SLC9A9: variants seen among roughly 807,000 people sequenced by gnomAD.
The protein encoded by SLC9A9 is solute carrier family 9 member A9.
In SLC9A9, 62 loss-of-function variants were observed where a neutral mutation model predicts 77.8. The ratio of observed to expected loss-of-function variants is 0.80; its 90% CI spans 0.65 to 0.98. The LOEUF is 0.98. Ranked by LOEUF, SLC9A9 falls within the 50% of genes least tolerant of loss-of-function variation. The pLI, the probability that SLC9A9 is intolerant of heterozygous loss-of-function variation, is 0.00. For synonymous variants in SLC9A9, 320 were observed against 283.5 expected (o/e 1.13, Z -1.29); for missense variants, 775 against 774.9 (o/e 1.00, Z 0.00).
intron 12 of SLC9A9, among the ~76,000 whole-genome samples, chr3:143,431,783 C>T (rs1340854859): frequency 6.6e-6 from 1 of 151,982 alleles, no homozygotes; most frequent in African/African-American, 2.4e-5. Context: ...TATGATCTTC[C>T]CACCCCTCTT....
Position 143,759,009 on chromosome 3 carries a change from A to G in SLC9A9, c.533+35992T>C, listed in dbSNP as rs369880169. Among the ~76,000 whole-genome samples, 19 of 152,234 alleles carry G rather than the reference A, an allele frequency of 1.2e-4. 1 individual carries two copies. In the East Asian group the frequency reaches 2.7e-3, roughly 22 times the overall value. On this transcript the variant is annotated intron_variant, in intron 4 of 15. Transcript: ENST00000316549. ...CTTGGCACTGTGCTGTCAACTTTACATGGATTTGTTGTTTTCATCTTCTCA... is the reference window on the plus strand; with the variant it reads ...CTTGGCACTGTGCTGTCAACTTTACGTGGATTTGTTGTTTTCATCTTCTCA...
At chr3:143,832,646 C>T (rs183555783) in intron 1 of SLC9A9, among the ~76,000 whole-genome samples, 87 of 152,094 alleles carry the variant, frequency 5.7e-4, no homozygotes, top group Non-Finnish European at 1.0e-3. Context: ...TATTATGTCA[C>T]ACCCCATGGT....
intron 12 of SLC9A9, among the ~76,000 whole-genome samples, chr3:143,435,624 T>C (rs1658602698): frequency 6.6e-6 from 1 of 152,210 alleles, no homozygotes; most frequent in Non-Finnish European, 1.5e-5. Context: ...CGTTAGACTT[T>C]CACTATGTTA....
chr3:143,482,932 CA>C lies in SLC9A9; in HGVS notation c.1315+10720del, dbSNP rs1233807783. ...TGCTCAAGGGCAAGAGGAACAGTTT[CA>C]GGGGCGCTTAGCATTCCTCTTAAGC... is the stretch of plus-strand genomic sequence containing the variant. On this transcript the variant is annotated intron_variant, in intron 11 of 15. Coordinates refer to ENST00000316549, the MANE Select transcript of SLC9A9 (RefSeq NM_173653.4). Among the ~76,000 whole-genome samples the C allele has an allele frequency of 3.3e-5, 5 of 152,324 alleles. No homozygotes were observed. In the East Asian group the frequency reaches 7.7e-4, roughly 23 times the overall value.
chr3:143,511,928 A>G (rs1050748013), intron 9 of SLC9A9, among the ~76,000 whole-genome samples: 2 of 152,240 alleles, frequency 1.3e-5, no homozygotes, highest in Non-Finnish European at 2.9e-5. Flanking sequence ...TATACTTCAG[A>G]TGCTGAATAC....
chr3:143,495,049 A>G (rs376457633), intron 10 of SLC9A9, among the ~76,000 whole-genome samples: 3 of 152,346 alleles, frequency 2.0e-5, no homozygotes, highest in Admixed American at 1.3e-4. Flanking sequence ...ATTCATAATT[A>G]TAGTTAAACA....
chr3:143,500,496 T>TATC (rs2035906899), intron 9 of SLC9A9, among the ~76,000 whole-genome samples: 1 of 152,140 alleles, frequency 6.6e-6, no homozygotes, highest in South Asian at 2.1e-4. Flanking sequence ...CATAGCTTAG[T>TATC]TTAACCTGTT....
At chr3:143,800,361 C>T (rs1007182585) in intron 2 of SLC9A9, among the ~76,000 whole-genome samples, 5 of 152,162 alleles carry the variant, frequency 3.3e-5, no homozygotes, top group African/African-American at 1.2e-4. Flanking sequence ...TACAAATTCT[C>T]CTTACAATTC....
chr3:143,567,348 A>T (rs2037184765), intron 8 of SLC9A9, among the ~76,000 whole-genome samples: 1 of 152,142 alleles, frequency 6.6e-6, no homozygotes, highest in Admixed American at 6.6e-5. Flanking sequence ...AGTATGGCAG[A>T]CACATCCACA....
chr3:143,401,446 T>A (rs991594232), intron 12 of SLC9A9, among the ~76,000 whole-genome samples: 7 of 152,202 alleles, frequency 4.6e-5, no homozygotes, highest in African/African-American at 1.7e-4. Flanking sequence ...AATGTGCCAT[T>A]GTTTTTCCTA....
chr3:143,398,042 G>A (rs1312358835), intron 12 of SLC9A9, among the ~76,000 whole-genome samples: 1 of 152,080 alleles, frequency 6.6e-6, no homozygotes, highest in African/African-American at 2.4e-5. Context: ...TGATGGATAG[G>A]TACCTACAAC....
intron 1 of SLC9A9, among the ~76,000 whole-genome samples, chr3:143,840,896 A>C (rs1316010699): frequency 6.6e-6 from 1 of 152,228 alleles, no homozygotes; most frequent in African/African-American, 2.4e-5. Context: ...ATGCAAACTA[A>C]AGATGATCTT....
intron 14 of SLC9A9, among the ~76,000 whole-genome samples, chr3:143,293,105 C>T (rs1255361259): frequency 1.3e-5 from 2 of 152,116 alleles, no homozygotes; most frequent in Non-Finnish European, 1.5e-5. Flanking sequence ...ATATGCATTC[C>T]TCTCCCTATA....
intron 4 of SLC9A9, among the ~76,000 whole-genome samples, chr3:143,739,000 G>T (rs1456128152): frequency 6.6e-6 from 1 of 152,028 alleles, no homozygotes; most frequent in Non-Finnish European, 1.5e-5. Flanking sequence ...CAAGTCATAG[G>T]CTTGATTGGG....
chr3:143,522,161 G>A (rs1034459242), intron 9 of SLC9A9, among the ~76,000 whole-genome samples: 3 of 152,034 alleles, frequency 2.0e-5, no homozygotes, highest in African/African-American at 7.2e-5. Context: ...TCAAACTTGA[G>A]GTTTAAATTT....
chr3:143,524,383 GGCAAGA>G, intron 9 of SLC9A9, among the ~76,000 whole-genome samples: 1 of 152,090 alleles, frequency 6.6e-6, no homozygotes, highest in African/African-American at 2.4e-5. Flanking sequence ...TCAAGCTGAG[GGCAAGA>G]TGGTCAGTGA....
intron 6 of SLC9A9, among the ~76,000 whole-genome samples, chr3:143,585,663 A>T (rs1233921632): frequency 6.6e-6 from 1 of 152,206 alleles, no homozygotes; most frequent in African/African-American, 2.4e-5. Context: ...TTGGGCTAAC[A>T]TCGCCAATCT....
chr3:143,726,300 A>G (rs1255436622), intron 4 of SLC9A9, among the ~76,000 whole-genome samples: 1 of 151,152 alleles, frequency 6.6e-6, no homozygotes, highest in Admixed American at 6.6e-5. Flanking sequence ...GCTGATGGCC[A>G]GGGGAAGGGA....
At chr3:143,774,110 T>C (rs1016799046) in intron 4 of SLC9A9, among the ~76,000 whole-genome samples, 5 of 152,236 alleles carry the variant, frequency 3.3e-5, no homozygotes, top group African/African-American at 4.8e-5. Flanking sequence ...TTGCCCTCAA[T>C]AAATAATCAG....
Sources: gnomAD v4.1 joint callset for allele counts (sites outside exome capture counted in the v4.1 genomes callset) on GRCh38, gnomAD v4.1.1 for gene constraint, MANE v1.5 for transcripts, NCBI Gene and HGNC (gene_info 2026-07-23, HGNC 2026-07-21) for gene names.